SEMA6D: variants seen among roughly 807,000 people sequenced by gnomAD.
SEMA6D encodes the protein semaphorin 6D.
In SEMA6D, 35 loss-of-function variants were observed where a neutral mutation model predicts 106.6. The observed-to-expected ratio is 0.33, with a 90% CI of 0.25 to 0.44. The LOEUF is 0.44. Ranked by LOEUF, SEMA6D falls within the 20% of genes least tolerant of loss-of-function variation. The pLI is 1.00. For missense variants in SEMA6D, 1,185 were observed against 1,345.9 expected (o/e 0.88, Z 1.87); for synonymous variants, 499 against 487.7 (o/e 1.02, Z -0.31).
At chr15:47,267,926 G>A (rs1271192143) in intron 1 of SEMA6D, among the ~76,000 whole-genome samples, 1 of 151,874 alleles carries the variant, frequency 6.6e-6, no homozygotes, top group Non-Finnish European at 1.5e-5. Context: ...TGCATCATTT[G>A]TATGCTTTTC....
At chr15:47,691,833 G>A (rs184029403) in intron 4 of SEMA6D, among the ~76,000 whole-genome samples, 352 of 139,688 alleles carry the variant, frequency 2.5e-3, no homozygotes, top group African/African-American at 8.3e-3. Flanking sequence ...GTATACCTTC[G>A]TGGAAGAAAA....
At chr15:47,221,843 T>C (rs1418954636) in intron 1 of SEMA6D, among the ~76,000 whole-genome samples, 3 of 152,236 alleles carry the variant, frequency 2.0e-5, no homozygotes, top group African/African-American at 7.2e-5. Context: ...TTTATTCCTA[T>C]ACTAGAAATT....
chr15:47,549,961 T>C (rs2045632734), intron 3 of SEMA6D, among the ~76,000 whole-genome samples: 1 of 152,192 alleles, frequency 6.6e-6, no homozygotes, highest in Non-Finnish European at 1.5e-5. Context: ...CACCCAGTTT[T>C]CCCTTTCTTC....
intron 1 of SEMA6D, among the ~76,000 whole-genome samples, chr15:47,324,200 C>G (rs1021442257): frequency 1.3e-5 from 2 of 152,104 alleles, no homozygotes; most frequent in Non-Finnish European, 2.9e-5. Flanking sequence ...ATATATAACA[C>G]AAGTTCACAC....
rs1258338355 is a variant in SEMA6D at position 47,348,723 on chromosome 15, C to CAGAGAGAGAGAGAGAGAGAG, written c.-238-63669_-238-63668insGAGAGAGAGAGAGAGAGAGA. Among the ~76,000 whole-genome samples the CAGAGAGAGAGAGAGAGAGAG allele has an allele frequency of 2.0e-3, 90 of 45,600 alleles. 5 individuals carry two copies. The highest frequency in any genetic ancestry group is 0.01 in the Middle Eastern group (1 of 96). 29.9% of individuals were successfully genotyped at this position (45,600 alleles called of 152,430 possible). A position where few individuals can be genotyped will look rare whatever the true frequency, so the allele number is the denominator to read the frequency against. On this transcript the variant is annotated intron_variant, in intron 1 of 19. Coordinates refer to the SEMA6D transcript ENST00000558014. ...CACACACACACACACACACACCACA[C>CAGAGAGAGAGAGAGAGAGAG]ACACAGAGAGAGAGAGAGAGAGAGA...
intron 3 of SEMA6D, among the ~76,000 whole-genome samples, chr15:47,578,097 T>C (rs954067680): frequency 6.6e-6 from 1 of 152,204 alleles, no homozygotes; most frequent in Admixed American, 6.5e-5. Context: ...AATTTACAGA[T>C]GGAGAAAGTG....
chr15:47,531,673 C>CA (rs2044973567), intron 3 of SEMA6D, among the ~76,000 whole-genome samples: 1 of 152,174 alleles, frequency 6.6e-6, no homozygotes, highest in Non-Finnish European at 1.5e-5. Flanking sequence ...AGTCTCCCCC[C>CA]AGACTCATCC....
chr15:47,632,176 TG>T (rs548030519), intron 4 of SEMA6D, among the ~76,000 whole-genome samples: 65 of 152,128 alleles, frequency 4.3e-4, no homozygotes, highest in African/African-American at 1.5e-3. Flanking sequence ...ACACTCTGTA[TG>T]ATTTAATTTA....
At chr15:47,691,035 G>C (rs9673061) in intron 4 of SEMA6D, among the ~76,000 whole-genome samples, 12 of 151,862 alleles carry the variant, frequency 7.9e-5, no homozygotes, top group Non-Finnish European at 1.8e-4. Flanking sequence ...GTGTTGTCTC[G>C]TGATTAAAAT....
intron 2 of SEMA6D, among the ~76,000 whole-genome samples, chr15:47,453,394 T>C (rs972348936): frequency 4.0e-5 from 6 of 151,810 alleles, no homozygotes; most frequent in African/African-American, 1.5e-4. Flanking sequence ...AAACCTCACA[T>C]AGAAATCCAT....
chr15:47,473,938 T>G (rs2042929186), intron 3 of SEMA6D, among the ~76,000 whole-genome samples: 1 of 152,118 alleles, frequency 6.6e-6, no homozygotes, highest in Non-Finnish European at 1.5e-5. Context: ...AAAAAAATTG[T>G]TGGCAAGCTC....
chr15:47,725,283 G>A (rs1430344830), intron 1 of SEMA6D, among the ~76,000 whole-genome samples: 2 of 152,188 alleles, frequency 1.3e-5, no homozygotes, highest in Admixed American at 6.5e-5. Context: ...TGCAGCAAGT[G>A]TTTTAATAAA....
chr15:47,727,854 G>A (rs1352207600), intron 1 of SEMA6D, among the ~76,000 whole-genome samples: 2 of 152,210 alleles, frequency 1.3e-5, no homozygotes, highest in African/African-American at 4.8e-5. Context: ...AGGGCATAAG[G>A]TGATTGCCTG....
intron 3 of SEMA6D, among the ~76,000 whole-genome samples, chr15:47,488,445 A>T (rs978043544): frequency 6.6e-6 from 1 of 151,590 alleles, no homozygotes. Context: ...AGATCTTTTC[A>T]TATCAAAGCA....
At chr15:47,361,455 C>CTATA (rs2038802884) in intron 1 of SEMA6D, among the ~76,000 whole-genome samples, 1 of 152,184 alleles carries the variant, frequency 6.6e-6, no homozygotes, top group Admixed American at 6.5e-5. Flanking sequence ...TCTACAAGTC[C>CTATA]TATACTTCAT....
At chr15:47,568,177 A>G (rs2046282862) in intron 3 of SEMA6D, among the ~76,000 whole-genome samples, 2 of 135,770 alleles carry the variant, frequency 1.5e-5, no homozygotes, top group South Asian at 2.6e-4. Context: ...CAAAAAAAAA[A>G]ACTGATTTTG....
chr15:47,348,727 CAGAGAGAGAGAGA>C (rs2038181553), intron 1 of SEMA6D, among the ~76,000 whole-genome samples: 1 of 57,052 alleles, frequency 1.8e-5, no homozygotes, highest in Non-Finnish European at 4.0e-5. Context: ...ACCACACACA[CAGAGAGAGAGAGA>C]GAGAGAGAGA....
At chr15:47,235,307 A>G (rs1049128155) in intron 1 of SEMA6D, among the ~76,000 whole-genome samples, 1 of 151,578 alleles carries the variant, frequency 6.6e-6, no homozygotes, top group Non-Finnish European at 1.5e-5. Flanking sequence ...TACTCTGATG[A>G]TTTTTTTTAT....
intron 4 of SEMA6D, among the ~76,000 whole-genome samples, chr15:47,644,079 C>G (rs1261114053): frequency 6.6e-6 from 1 of 152,114 alleles, no homozygotes; most frequent in Non-Finnish European, 1.5e-5. Flanking sequence ...AAAAAAACAT[C>G]TATGCCAGGT....
Sources: gnomAD v4.1 joint callset for allele counts (sites outside exome capture counted in the v4.1 genomes callset) on GRCh38, gnomAD v4.1.1 for gene constraint, MANE v1.5 for transcripts, NCBI Gene and HGNC (gene_info 2026-07-23, HGNC 2026-07-21) for gene names.